COL12A1: variants seen among roughly 807,000 people sequenced by gnomAD.
COL12A1 encodes the protein collagen type XII alpha 1 chain, also known as collagen alpha-1(XII) chain.
Under a neutral mutation model 349.7 loss-of-function variants are expected in COL12A1, and 114 were observed. The ratio of observed to expected loss-of-function variants is 0.33; its 90% CI spans 0.28 to 0.38. The LOEUF (loss-of-function observed/expected upper bound fraction) is 0.38, where lower values mean the gene tolerates loss of function less well. Among genes scored for constraint, COL12A1 ranks in the 10% least tolerant of loss-of-function variants. COL12A1 has a pLI of 1.00. For missense variants in COL12A1, 3,284 were observed against 3,756.9 expected, an observed-to-expected ratio of 0.87 and a Z score of 3.29; for synonymous variants, 1,369 against 1,329.0, an observed-to-expected ratio of 1.03 and a Z score of -0.66.
intron 10 of COL12A1, 105 bp from the exon 11 acceptor site, chr6:75,181,316 A>G (rs1769277673): frequency 8.8e-7 from 1 of 1,133,900 alleles, no homozygotes; most frequent in African/African-American, 1.6e-5. Flanking sequence ...ATTTGGGAGA[A>G]TGGTGCTCAT....
intron 11 of COL12A1, among the ~76,000 whole-genome samples, chr6:75,178,143 A>G (rs1342228630): frequency 6.6e-6 from 1 of 152,222 alleles, no homozygotes; most frequent in African/African-American, 2.4e-5. Context: ...TATAATATCC[A>G]GAAAGAAACT....
rs545409736 is a variant in COL12A1, at chr6:75,145,120, GA to G, written c.4690+205del. On this transcript the variant is annotated intron_variant, in intron 25 of 65. Coordinates refer to ENST00000322507, the MANE Select transcript of COL12A1 (RefSeq NM_004370.6). ...CTTCAATTTCAGGCATGTTCAATGTGAAAAAAATACACATCCTCGAATGAAT... is the reference window on the plus strand; with the variant it reads ...CTTCAATTTCAGGCATGTTCAATGTGAAAAAATACACATCCTCGAATGAAT... Among the ~76,000 whole-genome samples the G allele has an allele frequency of 1.1e-4, 17 of 152,134 alleles. No individual in the cohort carries two copies. In the South Asian group the frequency reaches 2.7e-3, roughly 24 times the overall value.
chr6:75,196,647 C>T (rs1350602551), intron 2 of COL12A1, among the ~76,000 whole-genome samples: 1 of 152,170 alleles, frequency 6.6e-6, no homozygotes, highest in Non-Finnish European at 1.5e-5. Context: ...CTCAGTATAA[C>T]ATGCATGCAA....
rs1767476536 is a variant in COL12A1 at position 75,086,131 on chromosome 6, A to G, written c.*416T>C. ...GTGATTTTAGTCGACAGGATCACAT[A>G]CAAATCATTTACAAGCCACAATTAG... On this transcript the variant is annotated 3_prime_UTR_variant, in exon 66 of 66. Coordinates refer to ENST00000322507, the MANE Select transcript of COL12A1 (RefSeq NM_004370.6). The G allele has an allele frequency of 6.5e-6, 1 of 153,540 alleles. No individual in the cohort carries two copies. The highest frequency in any genetic ancestry group is 2.4e-5 in the African/African-American group (1 of 41,444). 9.5% of individuals were successfully genotyped at this position (153,540 alleles called of 1,614,324 possible).
rs747969419 is a variant in COL12A1 at position 75,128,256 on chromosome 6, T to C, written c.6340+40A>G. ...AAAAGCAACATTAACATATTGACAA[T>C]TTCAAAGCAAAAATAAAAGGGGGAG... On this transcript the variant is annotated intron_variant, in intron 38 of 65. Coordinates refer to ENST00000322507, the MANE Select transcript of COL12A1 (RefSeq NM_004370.6). 8.6e-6 allele frequency: 13 copies of C among 1,518,192 alleles called. 1 individual carries two copies. In the South Asian group the frequency reaches 1.8e-4, roughly 21 times the overall value. The allele number at this position is 1,518,192 out of a possible 1,614,324, so 94.0% of individuals were successfully genotyped here.
At chr6:75,162,930 A>G (rs1184546421) in intron 14 of COL12A1, among the ~76,000 whole-genome samples, 2 of 152,266 alleles carry the variant, frequency 1.3e-5, no homozygotes, top group African/African-American at 4.8e-5. Flanking sequence ...ATCACTGATC[A>G]TTAGAGAAAT....
chr6:75,099,270 G>A (rs191626075), intron 58 of COL12A1, among the ~76,000 whole-genome samples: 11 of 152,092 alleles, frequency 7.2e-5, no homozygotes, highest in African/African-American at 1.4e-4. Flanking sequence ...ATTGTTTTCC[G>A]GAAGATCTAG....
intron 14 of COL12A1, among the ~76,000 whole-genome samples, chr6:75,160,454 G>C (rs1454976001): frequency 1.3e-5 from 2 of 152,310 alleles, no homozygotes; most frequent in East Asian, 3.9e-4. Flanking sequence ...TTTCTGCTGA[G>C]TTATCCACAC....
intron 17 of COL12A1, among the ~76,000 whole-genome samples, chr6:75,154,033 T>A (rs1243207167): frequency 1.3e-5 from 2 of 152,024 alleles, no homozygotes; most frequent in African/African-American, 2.4e-5. Context: ...TGCATAATTT[T>A]AAATTTAATA....
intron 51 of COL12A1, among the ~76,000 whole-genome samples, chr6:75,109,865 T>C (rs954916375): frequency 6.6e-6 from 1 of 152,116 alleles, no homozygotes; most frequent in Non-Finnish European, 1.5e-5. Flanking sequence ...TCCTTGTCTT[T>C]ATAGTTATGC....
chr6:75,182,280 G>C (rs1582194467), intron 10 of COL12A1, among the ~76,000 whole-genome samples: 2 of 151,822 alleles, frequency 1.3e-5, no homozygotes, highest in South Asian at 4.2e-4. Context: ...TTACATAGGT[G>C]TACATGTGCC....
Position 75,091,583 on chromosome 6 carries a change from T to C in COL12A1, c.8650-58A>G, listed in dbSNP as rs138900160. On this transcript the variant is annotated intron_variant, in intron 60 of 65. Coordinates refer to ENST00000322507, the MANE Select transcript of COL12A1 (RefSeq NM_004370.6). ...GACAAACATACTCTAAAATGATGCA[T>C]GAATAGACATAATGATGAACGAGAA... 2.0e-3 allele frequency: 3,003 copies of C among 1,491,592 alleles called. 33 individuals are homozygous for C. The African/African-American group carries it at 0.033, about 16-fold the overall frequency. 92.4% of individuals were successfully genotyped at this position (1,491,592 alleles called of 1,614,324 possible). A position where few individuals can be genotyped will look rare whatever the true frequency, so the allele number is the denominator to read the frequency against.
rs762812715 is a variant in COL12A1 at position 75,113,263 on chromosome 6, G to C, written c.7891C>G (p.Gln2631Glu). 2 of 1,563,760 alleles carry C rather than the reference G, an allele frequency of 1.3e-6. No individual in the cohort carries two copies. Among genetic ancestry groups the C allele is most frequent in the Non-Finnish European group, 1.7e-6 (2 of 1,157,968 alleles). ...TCTTCTGTGTCAAATGTAACAGTTT[G>C]CACCTCGCCTCTTGTATCCTTGTTA... ...FFNKDTRGEV[Q>E]TVTFDTEEVK... The change falls in exon 51 of 66, where the codon CAA becomes GAA. Residue 2631 changes from glutamine to glutamate, a missense_variant. Physicochemically the swap from Gln to Glu is conservative, Grantham distance 29. Transcript: ENST00000322507.
chr6:75,183,199 C>T lies in COL12A1; in HGVS notation c.1742G>A (p.Arg581His), dbSNP rs756803766. 40 of 1,614,018 alleles carry T rather than the reference C, an allele frequency of 2.5e-5. No homozygotes were observed. Among genetic ancestry groups the T allele is most frequent in the Middle Eastern group, 1.6e-4 (1 of 6,084 alleles). Residue 581 changes from arginine to histidine, a missense_variant, in exon 10 of 66, where the codon CGC becomes CAC. Arg to His is a conservative substitution (Grantham distance 29). Around this residue, in one of 2 missense-constraint regions of COL12A1, gnomAD observed 2,601 missense variants for 2,824.8 expected, o/e 0.92. Coordinates refer to ENST00000322507, the MANE Select transcript of COL12A1 (RefSeq NM_004370.6). ...AGAGGCAATAGCTTCCAATTCTGAG[C>T]GAACGGCATCCTTCACACCAACTGC... ...IFAVGVKDAVRSELEAIASPP... is the reference protein window; with the variant it reads ...IFAVGVKDAVHSELEAIASPP...
Position 75,155,669 on chromosome 6 carries a change from C to G in COL12A1, c.3436G>C (p.Glu1146Gln), listed in dbSNP as rs763131308. Residue 1146 changes from glutamate to glutamine, a missense_variant, in exon 16 of 66, where the codon GAA becomes CAA. This residue lies in a region of COL12A1 where 2,601 missense variants were observed against 2,824.8 expected (regional missense o/e 0.92). Coordinates refer to ENST00000322507, the MANE Select transcript of COL12A1 (RefSeq NM_004370.6). ...GPYDNTVVLE[E>Q]LRAGTTYKVN... is the part of the protein sequence containing the mutation. ...AACGTAGTTAATTCCTACCTAAGTT[C>G]CTCCAAAACAACTGTGTTGTCATAG... is the stretch of plus-strand genomic sequence containing the variant. 6.2e-7 allele frequency: 1 copy of G among 1,601,186 alleles called. No individual in the cohort carries two copies. The highest frequency in any genetic ancestry group is 1.4e-5 in the African/African-American group (1 of 74,018).
chr6:75,185,360 C>T (rs888832494), intron 8 of COL12A1, among the ~76,000 whole-genome samples: 1 of 152,130 alleles, frequency 6.6e-6, no homozygotes, highest in African/African-American at 2.4e-5. Context: ...GAACGAAATC[C>T]CATTCACAAT....
In COL12A1 at chr6:75,191,773, TTTA is replaced by T. The variant is rs781308720; in HGVS notation, c.335-16_335-14del. 10 of 1,559,392 alleles carry T rather than the reference TTTA, an allele frequency of 6.4e-6. No individual in the cohort carries two copies. The highest frequency in any genetic ancestry group is 8.7e-6 in the Non-Finnish European group (10 of 1,152,084). ...CTACCTGTTTGAACTAAGTTAAAAC[TTTA>T]TTATTACAAAAGGAAATGAACCCAA... is the stretch of plus-strand genomic sequence containing the variant. On this transcript the variant is annotated splice_polypyrimidine_tract_variant and intron_variant, in intron 4 of 65. Coordinates refer to ENST00000322507, the MANE Select transcript of COL12A1 (RefSeq NM_004370.6).
chr6:75,092,110 A>G (rs1257045397), intron 60 of COL12A1, among the ~76,000 whole-genome samples: 1 of 152,160 alleles, frequency 6.6e-6, no homozygotes, highest in Non-Finnish European at 1.5e-5. Flanking sequence ...CAGAAAACCT[A>G]ACACTGCATG....
rs374843798 is a variant in COL12A1 at position 75,116,052 on chromosome 6, G to C, written c.7525C>G (p.Pro2509Ala). The C allele has an allele frequency of 6.8e-6, 11 of 1,613,006 alleles. No individual in the cohort carries two copies. The highest frequency in any genetic ancestry group is 1.3e-5 in the African/African-American group (1 of 74,812). Residue 2509 changes from proline to alanine, a missense_variant, in exon 48 of 66, where the codon CCT becomes GCT. By Grantham distance (27) the Pro-to-Ala change is conservative. Transcript: ENST00000322507. ...FVCETATSSC[P>A]LIYLDGYTSP... The stretch of plus-strand genomic sequence containing the variant: ...GTGTAGCCATCCAAATAAATGAGAG[G>C]ACAACCTGCAATGTACAGTGTTCTT...
Sources: gnomAD v4.1 joint callset for allele counts (sites outside exome capture counted in the v4.1 genomes callset) on GRCh38, gnomAD v4.1.1 for gene constraint, gnomAD v4.1.1 regional missense constraint, MANE v1.5 for transcripts, NCBI Gene and HGNC (gene_info 2026-07-23, HGNC 2026-07-21) for gene names.